Variants in SLC5A4 observed in about 807,000 individuals in gnomAD.
SLC5A4 encodes the protein solute carrier family 5 member 4, also known as probable glucose sensor protein SLC5A4.
Under a neutral mutation model 70.3 loss-of-function variants are expected in SLC5A4, and 55 were observed. The observed-to-expected ratio is 0.78, with a 90% confidence interval of 0.63 to 0.98. SLC5A4 has a LOEUF of 0.98. Ranked by LOEUF, SLC5A4 falls within the 50% of genes least tolerant of loss-of-function variation. The pLI, the probability that SLC5A4 is intolerant of heterozygous loss-of-function variation, is 0.00. For missense variants in SLC5A4, 735 were observed against 839.2 expected (o/e 0.88, Z 1.53); for synonymous variants, 268 against 305.7 (o/e 0.88, Z 1.29).
chr22:32,323,133 C>A, the SLC5A4 span, among the ~76,000 whole-genome samples: 1 of 152,178 alleles, frequency 6.6e-6, no homozygotes, highest in Admixed American at 6.5e-5. Flanking sequence ...GATTCTCCCC[C>A]ACCAGGAGAT....
the SLC5A4 span, among the ~76,000 whole-genome samples, chr22:32,347,142 A>G: frequency 3.3e-5 from 5 of 152,242 alleles, no homozygotes; most frequent in African/African-American, 1.2e-4. Context: ...ATGCAAATCA[A>G]AATCACAATG....
the SLC5A4 span, among the ~76,000 whole-genome samples, chr22:32,276,170 G>A: frequency 1.4e-4 from 22 of 152,230 alleles, no homozygotes; most frequent in Admixed American, 2.0e-4. Flanking sequence ...CATACATTAT[G>A]ACACTTTCTT....
the SLC5A4 span, among the ~76,000 whole-genome samples, chr22:32,277,814 C>G: frequency 1.3e-5 from 2 of 152,212 alleles, no homozygotes; most frequent in African/African-American, 4.8e-5. Context: ...TCCCAAAGTG[C>G]TGAGATTACA....
At chr22:32,288,500 AT>A in the SLC5A4 span, among the ~76,000 whole-genome samples, 1 of 152,098 alleles carries the variant, frequency 6.6e-6, no homozygotes, top group African/African-American at 2.4e-5. Context: ...CCCACATTAG[AT>A]TTTGCATGAA....
the SLC5A4 span, among the ~76,000 whole-genome samples, chr22:32,276,041 T>C: frequency 1.3e-5 from 2 of 152,242 alleles, no homozygotes; most frequent in Non-Finnish European, 1.5e-5. Flanking sequence ...GTTCATATCC[T>C]TCGCCACAAT....
the SLC5A4 span, among the ~76,000 whole-genome samples, chr22:32,334,095 ACAC>A: frequency 2.1e-3 from 316 of 150,550 alleles, no homozygotes; most frequent in Non-Finnish European, 3.6e-3. Flanking sequence ...ACACACACAC[ACAC>A]ATCACATAGA....
In SLC5A4 at chr22:32,237,243, C is replaced by A. The variant is rs768043275; in HGVS notation, c.664+1G>T. The A allele has an allele frequency of 6.2e-7, 1 of 1,606,020 alleles. No individual in the cohort carries two copies. Among genetic ancestry groups the A allele is most frequent in the Admixed American group, 1.7e-5 (1 of 59,340 alleles). The stretch of plus-strand genomic sequence containing the variant: ...GCACTGCACGCAGGGTCATCACTTA[C>A]CAAACCCCATGAGAATAAAAGAGCC... On this transcript the variant is annotated splice_donor_variant, in intron 7 of 14. Coordinates refer to ENST00000266086, the MANE Select transcript of SLC5A4 (RefSeq NM_014227.3). LOFTEE classifies it high-confidence loss of function.
chr22:32,272,360 A>G, the SLC5A4 span: 3 of 871,100 alleles, frequency 3.4e-6, no homozygotes, highest in South Asian at 1.4e-5. Flanking sequence ...GCCATCAGCC[A>G]GAAGATTTTC....
chr22:32,326,589 G>A, the SLC5A4 span, among the ~76,000 whole-genome samples: 1 of 152,180 alleles, frequency 6.6e-6, no homozygotes, highest in South Asian at 2.1e-4. Flanking sequence ...TTCTCACAGG[G>A]ACCTGAAAGG....
chr22:32,320,676 C>T, the SLC5A4 span, among the ~76,000 whole-genome samples: 1 of 150,952 alleles, frequency 6.6e-6, no homozygotes, highest in Non-Finnish European at 1.5e-5. Context: ...CACCCTTCCT[C>T]CCCTGGGCAA....
intron 11 of SLC5A4, among the ~76,000 whole-genome samples, chr22:32,228,714 C>A (rs1359146793): frequency 1.3e-5 from 2 of 152,126 alleles, no homozygotes; most frequent in African/African-American, 4.8e-5. Context: ...TCCAAGCATC[C>A]TCTTGGAATT....
At chr22:32,266,460 T>C in the SLC5A4 span, among the ~76,000 whole-genome samples, 1 of 152,242 alleles carries the variant, frequency 6.6e-6, no homozygotes, top group Admixed American at 6.5e-5. Context: ...ATGCAAAAAC[T>C]AAAACCTGTT....
Position 32,226,931 on chromosome 22 carries a change from C to T in SLC5A4, c.1281-1108G>A, listed in dbSNP as rs77436452. ...AGGAAAGCAACCCTCGTTTTTCCTT[C>T]CCCCAGAGCACCATGGGGCTCACTC... On this transcript the variant is annotated intron_variant, in intron 11 of 14. Transcript: ENST00000266086. Among the ~76,000 whole-genome samples the T allele has an allele frequency of 2.3e-3, 352 of 152,138 alleles. 2 individuals carry two copies. The highest frequency in any genetic ancestry group is 0.02 in the South Asian group (95 of 4,820).
At chr22:32,339,159 G>A in the SLC5A4 span, among the ~76,000 whole-genome samples, 20 of 152,318 alleles carry the variant, frequency 1.3e-4, no homozygotes, top group African/African-American at 4.6e-4. Context: ...AAAAGCAGGT[G>A]TGCATTAGAA....
the SLC5A4 span, among the ~76,000 whole-genome samples, chr22:32,318,181 A>G: frequency 1.4e-5 from 2 of 147,610 alleles, no homozygotes; most frequent in African/African-American, 5.0e-5. Flanking sequence ...CACTCTTTCT[A>G]CTCACTCATG....
At chr22:32,286,991 G>A in the SLC5A4 span, among the ~76,000 whole-genome samples, 914 of 152,340 alleles carry the variant, frequency 6.0e-3, 5 homozygotes, top group Non-Finnish European at 0.011. Flanking sequence ...CAAGGTAAGT[G>A]CCATGATATT....
At chr22:32,273,556 C>T in the SLC5A4 span, 1 of 152,812 alleles carries the variant, frequency 6.5e-6, no homozygotes, top group Non-Finnish European at 1.5e-5. Context: ...ATAGTATAGT[C>T]TTAATCACAT....
At chr22:32,238,890 G>A (rs5998331) in intron 6 of SLC5A4, 95 bp downstream of exon 6, 55,656 of 835,438 alleles carry the variant, frequency 0.067, 2,133 homozygotes, top group African/African-American at 0.11. Flanking sequence ...CCTTTACCTC[G>A]GCAGTGACAA....
intron 5 of SLC5A4, among the ~76,000 whole-genome samples, chr22:32,244,297 T>A (rs1308131000): frequency 6.6e-6 from 1 of 152,198 alleles, no homozygotes; most frequent in Non-Finnish European, 1.5e-5. Context: ...ACGTGTGATA[T>A]CTGCCTCTGC....
Sources: gnomAD v4.1 joint callset for allele counts (sites outside exome capture counted in the v4.1 genomes callset) on GRCh38, gnomAD v4.1.1 for gene constraint, MANE v1.5 for transcripts, NCBI Gene and HGNC (gene_info 2026-07-23, HGNC 2026-07-21) for gene names.